Variants in COL4A6 observed in about 807,000 individuals in gnomAD.
COL4A6 encodes the protein collagen alpha-6(IV) chain.
A neutral mutation model predicts 126.7 loss-of-function variants in COL4A6; 59 were observed. The observed-to-expected ratio is 0.47, with a 90% CI of 0.38 to 0.58. The LOEUF is 0.58. Ranked by LOEUF, COL4A6 falls within the 20% of genes least tolerant of loss-of-function variation. The probability of loss-of-function intolerance (pLI) is 0.00; values close to 1 mark genes in which losing one functional copy is unlikely to be tolerated. For synonymous variants in COL4A6, 547 were observed against 496.6 expected, an observed-to-expected ratio of 1.10 and a Z score of -1.35; for missense variants, 1,285 against 1,337.3, an observed-to-expected ratio of 0.96 and a Z score of 0.61.
chrX:108,210,617 T>A (rs1280540785), intron 7 of COL4A6, among the ~76,000 whole-genome samples: 1 of 112,335 alleles, frequency 8.9e-6, no homozygotes, highest in Non-Finnish European at 1.9e-5. Flanking sequence ...TTTTGACACC[T>A]GCTAGTCTTA....
intron 3 of COL4A6, among the ~76,000 whole-genome samples, chrX:108,272,921 CT>C (rs987820403): frequency 9.1e-6 from 1 of 109,600 alleles, no homozygotes; most frequent in Non-Finnish European, 1.9e-5. Flanking sequence ...ATATTTTTTA[CT>C]TTCTTTTTTA....
intron 13 of COL4A6, among the ~76,000 whole-genome samples, chrX:108,197,743 G>T (rs2035263085): frequency 9.9e-6 from 1 of 101,428 alleles, no homozygotes; most frequent in Non-Finnish European, 2.0e-5. Flanking sequence ...TTTAATGTGG[G>T]TTGTTTTCAT....
chrX:108,313,239 T>C (rs966954123), intron 2 of COL4A6, among the ~76,000 whole-genome samples: 9 of 111,242 alleles, frequency 8.1e-5, no homozygotes, highest in African/African-American at 2.9e-4. Flanking sequence ...CTGGGGACAC[T>C]CCACCCCCTG....
intron 3 of COL4A6, among the ~76,000 whole-genome samples, chrX:108,307,719 C>T (rs2038660905): frequency 8.9e-6 from 1 of 111,880 alleles, no homozygotes; most frequent in Non-Finnish European, 1.9e-5. Context: ...GTGCCCTCTG[C>T]TCAGCTAAGG....
intron 44 of COL4A6, among the ~76,000 whole-genome samples, chrX:108,159,082 C>T (rs886939022): frequency 1.4e-4 from 16 of 111,626 alleles, no homozygotes; most frequent in African/African-American, 4.9e-4. Context: ...AGTGCCATGG[C>T]TGGACTGATT....
intron 2 of COL4A6, among the ~76,000 whole-genome samples, chrX:108,321,466 G>A (rs1416584440): frequency 9.0e-6 from 1 of 111,100 alleles, no homozygotes; most frequent in African/African-American, 3.3e-5. Context: ...CTATTTGGGG[G>A]TACTTTTTAT....
In COL4A6 at chrX:108,403,249, T is replaced by G. The variant is rs995689927; in HGVS notation, c.63+34693A>C. 1.7e-4 allele frequency among the ~76,000 whole-genome samples: 17 copies of G among 97,779 alleles called. No individual in the cohort carries two copies. The South Asian group carries it at 7.6e-3, about 44-fold the overall frequency. 84.9% of individuals were successfully genotyped at this position (97,779 alleles called of 115,157 possible). ...CAAAGATTAGCTCTCTCTCTCTCTC[T>G]CTCTCTCTCTCTCTCTCTCTCTCTC... is the stretch of plus-strand genomic sequence containing the variant. On this transcript the variant is annotated intron_variant, in intron 2 of 44. Coordinates refer to ENST00000334504, the MANE Select transcript of COL4A6 (RefSeq NM_033641.4).
intron 2 of COL4A6, among the ~76,000 whole-genome samples, chrX:108,353,222 CATG>C (rs1238741062): frequency 8.9e-6 from 1 of 112,033 alleles, no homozygotes; most frequent in East Asian, 2.8e-4. Context: ...TAGTTGTACT[CATG>C]TAAATTTCCT....
At chrX:108,184,396 G>A (rs2034788214) in intron 23 of COL4A6, among the ~76,000 whole-genome samples, 1 of 112,070 alleles carries the variant, frequency 8.9e-6, no homozygotes, top group Non-Finnish European at 1.9e-5. Context: ...TTTCCAGAGT[G>A]GCTGTGTTGG....
At chrX:108,268,211 T>C (rs2037361699) in intron 3 of COL4A6, 1 of 112,215 alleles carries the variant, frequency 8.9e-6, no homozygotes, top group Non-Finnish European at 1.9e-5. Context: ...TTTTACTGTA[T>C]TTAAAATGGT....
intron 12 of COL4A6, among the ~76,000 whole-genome samples, chrX:108,203,992 A>T (rs2035468462): frequency 8.9e-6 from 1 of 111,843 alleles, no homozygotes; most frequent in Non-Finnish European, 1.9e-5. Context: ...GGGAGTTAGG[A>T]GGAAAAACAC....
chrX:108,294,399 G>GTTTT (rs756445902), intron 3 of COL4A6, among the ~76,000 whole-genome samples: 1 of 82,357 alleles, frequency 1.2e-5, no homozygotes, highest in African/African-American at 4.4e-5. Context: ...GGGCAATTGT[G>GTTTT]TTTTTTTTTT....
At chrX:108,427,890 T>G (rs1174239775) in intron 2 of COL4A6, among the ~76,000 whole-genome samples, 1 of 112,225 alleles carries the variant, frequency 8.9e-6, no homozygotes, top group Non-Finnish European at 1.9e-5. Flanking sequence ...ATAAATCAGT[T>G]AATCTCTCTG....
chrX:108,220,843 G>A (rs1436588900), intron 4 of COL4A6, among the ~76,000 whole-genome samples: 1 of 112,912 alleles, frequency 8.9e-6, no homozygotes, highest in East Asian at 2.8e-4. Flanking sequence ...GTGGGGCATG[G>A]TGGCCCATGC....
chrX:108,264,123 G>C (rs2037236546), intron 3 of COL4A6, among the ~76,000 whole-genome samples: 1 of 111,660 alleles, frequency 9.0e-6, no homozygotes, highest in East Asian at 2.9e-4. Context: ...CCAGGACACT[G>C]TTCTGAAGTA....
chrX:108,240,946 A>G (rs943896217), intron 3 of COL4A6, among the ~76,000 whole-genome samples: 1 of 111,390 alleles, frequency 9.0e-6, no homozygotes, highest in African/African-American at 3.3e-5. Flanking sequence ...AACTGAATAG[A>G]AACAGAAACA....
intron 2 of COL4A6, among the ~76,000 whole-genome samples, chrX:108,428,245 G>A (rs185873968): frequency 1.2e-3 from 130 of 112,055 alleles, no homozygotes; most frequent in African/African-American, 3.6e-3. Flanking sequence ...ATTCAAAGCC[G>A]TCCTGGGCCA....
chrX:108,256,223 C>T (rs1464936628), intron 3 of COL4A6, among the ~76,000 whole-genome samples: 1 of 111,782 alleles, frequency 8.9e-6, no homozygotes, highest in Non-Finnish European at 1.9e-5. Flanking sequence ...TTCAGGTAAA[C>T]CTGAGAACCA....
intron 3 of COL4A6, among the ~76,000 whole-genome samples, chrX:108,232,786 G>C (rs1447751407): frequency 9.0e-6 from 1 of 111,417 alleles, no homozygotes; most frequent in East Asian, 2.8e-4. Context: ...GTTGCTTTGA[G>C]CATCAGTTGA....
Sources: gnomAD v4.1 joint callset for allele counts (sites outside exome capture counted in the v4.1 genomes callset) on GRCh38, gnomAD v4.1.1 for gene constraint, MANE v1.5 for transcripts, NCBI Gene and HGNC (gene_info 2026-07-23, HGNC 2026-07-21) for gene names.